ELFN1: variants seen among roughly 807,000 people sequenced by gnomAD.
The protein encoded by ELFN1 is protein ELFN1.
A neutral mutation model predicts 7.6 loss-of-function variants in ELFN1; 6 were observed. The observed-to-expected ratio is 0.79, with a 90% CI of 0.43 to 1.56. The LOEUF (loss-of-function observed/expected upper bound fraction) is 1.56. Ranked by LOEUF, ELFN1 falls within the 40% of genes most tolerant of loss-of-function variation. The pLI, the probability that ELFN1 is intolerant of heterozygous loss-of-function variation, is 0.01. For synonymous variants in ELFN1, 657 were observed against 588.1 expected (o/e 1.12, Z -1.70); for missense variants, 1,169 against 1,232.2 (o/e 0.95, Z 0.77).
Position 1,745,439 on chromosome 7 carries a change from G to A in ELFN1, c.843G>A (p.Pro281=), listed in dbSNP as rs765758519. 2.1e-4 allele frequency: 316 copies of A among 1,539,668 alleles called. No homozygotes were observed. Among genetic ancestry groups the A allele is most frequent in the Non-Finnish European group, 2.4e-4 (276 of 1,146,372 alleles). Residue 281 remains proline, a synonymous_variant, in exon 4 of 4, where the codon CCG becomes CCA. Transcript: ENST00000424383. ...GCCGCTCCCCGCCGCCCCCGCCTCC[G>A]CCGGAGCCCAGTGACATGCCCTGTG... The part of the protein sequence containing the change: ...QPGRSPPPPP[P]PEPSDMPCAD...
intron 3 of ELFN1, among the ~76,000 whole-genome samples, chr7:1,719,963 G>A (rs1779968791): frequency 7.2e-6 from 1 of 138,748 alleles, no homozygotes; most frequent in East Asian, 2.2e-4. Context: ...TGGCACTCAG[G>A]TGGGGGCCTC....
intron 3 of ELFN1, among the ~76,000 whole-genome samples, chr7:1,721,729 C>G (rs565648189): frequency 6.6e-6 from 1 of 152,300 alleles, no homozygotes; most frequent in South Asian, 2.1e-4. Context: ...GGGACTGCAC[C>G]CAAAACCATC....
intron 1 of ELFN1, among the ~76,000 whole-genome samples, chr7:1,674,221 T>TC (rs1778824182): frequency 6.6e-6 from 1 of 151,852 alleles, no homozygotes; most frequent in Admixed American, 6.6e-5. Flanking sequence ...ACTCCTCCGC[T>TC]CCCTGCTCCG....
At chr7:1,681,880 G>A (rs1033076229) in intron 1 of ELFN1, among the ~76,000 whole-genome samples, 1 of 152,126 alleles carries the variant, frequency 6.6e-6, no homozygotes, top group African/African-American at 2.4e-5. Flanking sequence ...TGCTCATTAG[G>A]CATTCATATT....
chr7:1,733,320 G>A (rs192839971), intron 3 of ELFN1, among the ~76,000 whole-genome samples: 277 of 152,312 alleles, frequency 1.8e-3, no homozygotes, highest in African/African-American at 6.5e-3. Flanking sequence ...TGGTGTGACC[G>A]TGTGAGCGAG....
chr7:1,706,438 A>AC (rs1387190194), intron 2 of ELFN1, among the ~76,000 whole-genome samples: 1 of 149,274 alleles, frequency 6.7e-6, no homozygotes, highest in Non-Finnish European at 1.5e-5. Flanking sequence ...ACAAAACAAA[A>AC]CAAAACAAAA....
intron 3 of ELFN1, among the ~76,000 whole-genome samples, chr7:1,731,501 A>G (rs1412230568): frequency 6.6e-6 from 1 of 152,184 alleles, no homozygotes; most frequent in East Asian, 1.9e-4. Context: ...AGGCCTCATG[A>G]GAGGGTGACC....
In ELFN1 at chr7:1,678,081, G is replaced by T. The variant is rs148470880; in HGVS notation, c.-549+7727G>T. 9.2e-5 allele frequency among the ~76,000 whole-genome samples: 14 copies of T among 152,062 alleles called. No homozygotes were observed. The East Asian group carries it at 2.7e-3, about 29-fold the overall frequency. On this transcript the variant is annotated intron_variant, in intron 1 of 3. Coordinates refer to ENST00000424383, the MANE Select transcript of ELFN1 (RefSeq NM_001128636.4). ...AACTCACCAGAAATCCAGTGTTCCC[G>T]CACCCGAATCCACACCAGTCAGGGA...
chr7:1,718,881 C>A (rs533962925), intron 3 of ELFN1, among the ~76,000 whole-genome samples: 1 of 152,312 alleles, frequency 6.6e-6, no homozygotes, highest in African/African-American at 2.4e-5. Context: ...TCTTGGGCCT[C>A]TGCCCTCATT....
chr7:1,714,125 A>G (rs1347683102), intron 3 of ELFN1, among the ~76,000 whole-genome samples: 2 of 152,204 alleles, frequency 1.3e-5, no homozygotes, highest in Non-Finnish European at 2.9e-5. Context: ...GGTCAGCTTC[A>G]AGTCACAGCC....
At chr7:1,683,802 C>T (rs1779015323) in intron 1 of ELFN1, among the ~76,000 whole-genome samples, 1 of 152,226 alleles carries the variant, frequency 6.6e-6, no homozygotes, top group Non-Finnish European at 1.5e-5. Context: ...AAACCTTCCT[C>T]TTTGTCTTTG....
upstream of ELFN1, among the ~76,000 whole-genome samples, chr7:1,666,932 A>G (rs1184506106): frequency 6.6e-6 from 1 of 151,386 alleles, no homozygotes; most frequent in Non-Finnish European, 1.5e-5. The surrounding 1 kb of genome is among the most constrained non-coding windows in gnomAD (Gnocchi z 7.9). Context: ...CGCGGCTATT[A>G]ATAGGCGTCG....
chr7:1,677,229 AT>A (rs1214683247), intron 1 of ELFN1, among the ~76,000 whole-genome samples: 1 of 152,204 alleles, frequency 6.6e-6, no homozygotes, highest in East Asian at 1.9e-4. Flanking sequence ...AGCCATTAGC[AT>A]TTCAGAGCTG....
At chr7:1,678,615 T>C (rs572532715) in intron 1 of ELFN1, among the ~76,000 whole-genome samples, 24 of 152,290 alleles carry the variant, frequency 1.6e-4, no homozygotes, top group Non-Finnish European at 2.8e-4. Flanking sequence ...GCACCTCCCA[T>C]GGTGCCCAGA....
chr7:1,746,489 G>C lies in ELFN1; in HGVS notation c.1893G>C (p.Glu631Asp). 1 of 1,498,598 alleles carries C rather than the reference G, an allele frequency of 6.7e-7. No individual in the cohort carries two copies. Among genetic ancestry groups the C allele is most frequent in the Non-Finnish European group, 8.8e-7 (1 of 1,131,998 alleles). 92.8% of individuals were successfully genotyped at this position (1,498,598 alleles called of 1,614,324 possible). A position where few individuals can be genotyped will look rare whatever the true frequency, so the allele number is the denominator to read the frequency against. ...GCCTGCAGCGGCACCACAGCGTGGAGGCCGCCGGGCCCCCTCGTGCCAGCA... is the reference window on the plus strand; with the variant it reads ...GCCTGCAGCGGCACCACAGCGTGGACGCCGCCGGGCCCCCTCGTGCCAGCA... Reference protein sequence around the residue: ...GHSLQRHHSVEAAGPPRASTS... With the variant: ...GHSLQRHHSVDAAGPPRASTS... The change falls in exon 4 of 4, where the codon GAG (glutamate) becomes GAC (aspartate). Residue 631 changes from glutamate (E) to aspartate (D), a missense_variant. Transcript: ENST00000424383.
chr7:1,720,462 G>A (rs1779984474), intron 3 of ELFN1, among the ~76,000 whole-genome samples: 1 of 152,236 alleles, frequency 6.6e-6, no homozygotes, highest in African/African-American at 2.4e-5. Context: ...CCCAGGCACA[G>A]CAGAGAACAC....
intron 2 of ELFN1, among the ~76,000 whole-genome samples, chr7:1,704,104 A>T (rs943829458): frequency 6.6e-6 from 1 of 152,210 alleles, no homozygotes; most frequent in African/African-American, 2.4e-5. Flanking sequence ...AAGTCAGCCC[A>T]TGGGAGGGCC....
intron 3 of ELFN1, among the ~76,000 whole-genome samples, chr7:1,731,088 C>A (rs931575684): frequency 2.0e-5 from 3 of 152,130 alleles, no homozygotes; most frequent in Non-Finnish European, 4.4e-5. Context: ...CAAAACCCTC[C>A]CAATTCCCAG....
chr7:1,710,905 C>T (rs894680783), intron 3 of ELFN1, among the ~76,000 whole-genome samples: 1 of 152,200 alleles, frequency 6.6e-6, no homozygotes, highest in Non-Finnish European at 1.5e-5. Context: ...ACTTGAAGCC[C>T]AGAGAAGGGA....
Sources: allele counts gnomAD v4.1 joint callset (sites outside exome capture counted in the v4.1 genomes callset), GRCh38; gene constraint gnomAD v4.1.1; non-coding constraint Gnocchi (gnomAD v3.1); transcripts MANE v1.5; gene names NCBI Gene and HGNC (gene_info 2026-07-23, HGNC 2026-07-21).